The following MAP2K5 variants were observed in gnomAD, a reference collection of about 807,000 sequenced individuals.
MAP2K5 encodes dual specificity mitogen-activated protein kinase kinase 5.
A neutral mutation model predicts 83.1 loss-of-function variants in MAP2K5; 49 were observed. The observed-to-expected ratio is 0.59, with a 90% CI of 0.47 to 0.75. The LOEUF (loss-of-function observed/expected upper bound fraction) is 0.75, where lower values mean the gene tolerates loss of function less well. Among genes scored for constraint, MAP2K5 ranks in the 30% least tolerant of loss-of-function variants. The pLI, the probability that MAP2K5 is intolerant of heterozygous loss-of-function variation, is 0.00. For missense variants in MAP2K5, 457 were observed against 557.5 expected (o/e 0.82, Z 1.82); for synonymous variants, 202 against 191.8 (o/e 1.05, Z -0.44).
chr15:67,631,487 G>A (rs760203077), intron 9 of MAP2K5, among the ~76,000 whole-genome samples: 5 of 152,068 alleles, frequency 3.3e-5, no homozygotes, highest in African/African-American at 4.8e-5. Context: ...AGATCTGACC[G>A]TGTCTTGCTG....
chr15:67,731,614 T>TCTCAGGCTGTTACCTGA (rs1368747927), intron 17 of MAP2K5, among the ~76,000 whole-genome samples: 7 of 152,178 alleles, frequency 4.6e-5, no homozygotes, highest in Non-Finnish European at 4.4e-5. Flanking sequence ...AGGGTTCCAG[T>TCTCAGGCTGTTACCTGA]CTCAGGCTGT....
rs1213858902 is a variant in MAP2K5 at position 67,708,430 on chromosome 15, GT to G, written c.1044+5025del. Among the ~76,000 whole-genome samples the G allele has an allele frequency of 2.6e-5, 4 of 152,068 alleles. No individual in the cohort carries two copies. In the East Asian group the frequency reaches 7.7e-4, roughly 29 times the overall value. ...AGTTCCATAAACTGTCATCTCTGAG[GT>G]TTGGTGATGCCAGAAGCAGAAAGTT... On this transcript the variant is annotated intron_variant, in intron 16 of 21. Transcript: ENST00000178640. The surrounding 1 kb of genome is among the most constrained non-coding windows in gnomAD (Gnocchi z 4.9).
Position 67,786,163 on chromosome 15 carries a change from C to T in MAP2K5, c.1242+13411C>T, listed in dbSNP as rs1596972192. Among the ~76,000 whole-genome samples the T allele has an allele frequency of 6.6e-6, 1 of 152,098 alleles. No homozygotes were observed. Among genetic ancestry groups the T allele is most frequent in the East Asian group, 1.9e-4 (1 of 5,190 alleles). On this transcript the variant is annotated intron_variant, in intron 21 of 21. Transcript: ENST00000178640. The surrounding 1 kb of genome is among the most constrained non-coding windows in gnomAD (Gnocchi z 4.7). ...GTCTGATGTTCCTGGGTATTTCCAGCTTGTTGCCTCTTGGAAGATACATGT... is the reference window on the plus strand; with the variant it reads ...GTCTGATGTTCCTGGGTATTTCCAGTTTGTTGCCTCTTGGAAGATACATGT...
At position 67,798,384 on chromosome 15, in the gene MAP2K5, A is replaced by G. The variant is rs1366612151; in HGVS notation, c.1243-8262A>G. Among the ~76,000 whole-genome samples the G allele has an allele frequency of 2.6e-4, 40 of 152,166 alleles. 1 individual carries two copies. The highest frequency in any genetic ancestry group is 2.6e-3 in the Admixed American group (40 of 15,274). On this transcript the variant is annotated intron_variant, in intron 21 of 21. Transcript: ENST00000178640. ...GGCCAGTGGCACAATTCTGCCATTC[A>G]CAAGGATCAGCTTCCTCCGACAAAC...
intron 8 of MAP2K5, among the ~76,000 whole-genome samples, chr15:67,606,938 T>C (rs947380683): frequency 3.3e-5 from 5 of 152,212 alleles, no homozygotes; most frequent in Non-Finnish European, 5.9e-5. Flanking sequence ...TGACTTCCTC[T>C]TTCACCAACC....
intron 8 of MAP2K5, chr15:67,628,937 A>G (rs62016179): frequency 0.12 from 89,759 of 754,864 alleles, 6,517 homozygotes; most frequent in South Asian, 0.2. Flanking sequence ...GCAATTTTGG[A>G]GGTGGTGGAA....
rs2090014711 is a variant in MAP2K5, at chr15:67,764,954, A to C, written c.1135-4648A>C. Among the ~76,000 whole-genome samples the C allele has an allele frequency of 6.6e-6, 1 of 152,182 alleles. No homozygotes were observed. The highest frequency in any genetic ancestry group is 6.5e-5 in the Admixed American group (1 of 15,282). ...TCCCTATCCCTTACCTTTTCTTTTT[A>C]AACTTTCTATTTTGACGTAATTTTT... is the stretch of plus-strand genomic sequence containing the variant. On this transcript the variant is annotated intron_variant, in intron 19 of 21. Transcript: ENST00000178640. This position sits in a 1 kb window ranked among gnomAD's most constrained non-coding sequence, Gnocchi z 4.9.
intron 9 of MAP2K5, among the ~76,000 whole-genome samples, chr15:67,634,141 T>G (rs903744087): frequency 2.0e-5 from 3 of 151,776 alleles, no homozygotes; most frequent in Non-Finnish European, 2.9e-5. Context: ...GGTGGATGAC[T>G]TGAGCTCAGG....
At position 67,780,273 on chromosome 15, in the gene MAP2K5, T is replaced by G. The variant is rs2090307717; in HGVS notation, c.1242+7521T>G. Among the ~76,000 whole-genome samples, 1 of 19,684 alleles carries G rather than the reference T, an allele frequency of 5.1e-5. No individual in the cohort carries two copies. The highest frequency in any genetic ancestry group is 3.2e-4 in the African/African-American group (1 of 3,126). The allele number at this position is 19,684 out of a possible 152,430, so 12.9% of individuals were successfully genotyped here. A position where few individuals can be genotyped will look rare whatever the true frequency, so the allele number is the denominator to read the frequency against. On this transcript the variant is annotated intron_variant, in intron 21 of 21. Transcript: ENST00000178640. This position sits in a 1 kb window ranked among gnomAD's most constrained non-coding sequence, Gnocchi z 5.0. ...AAGCTCTGGCCAGGGAGCAGATACT[T>G]TTTTTTTTTTTTAACCTTTAAAGTT...
chr15:67,617,920 T>C (rs2086090579), intron 8 of MAP2K5, among the ~76,000 whole-genome samples: 1 of 152,098 alleles, frequency 6.6e-6, no homozygotes, highest in Admixed American at 6.6e-5. Context: ...TCTTGAACTC[T>C]TGGACTCAAG....
chr15:67,793,988 A>G lies in MAP2K5; in HGVS notation c.1243-12658A>G, dbSNP rs551089543. The stretch of plus-strand genomic sequence containing the variant: ...TTGAATTAAAGACCCTTGGTAAAAT[A>G]GACACAGCTACCATTAGAAGGAAGC... On this transcript the variant is annotated intron_variant, in intron 21 of 21. Transcript: ENST00000178640. The surrounding 1 kb of genome is among the most constrained non-coding windows in gnomAD (Gnocchi z 4.6). Among the ~76,000 whole-genome samples, 6 of 152,362 alleles carry G rather than the reference A, an allele frequency of 3.9e-5. No homozygotes were observed. The South Asian group carries it at 1.2e-3, about 32-fold the overall frequency.
chr15:67,694,414 T>C (rs1442289978), intron 15 of MAP2K5, among the ~76,000 whole-genome samples: 1 of 152,166 alleles, frequency 6.6e-6, no homozygotes, highest in Non-Finnish European at 1.5e-5. Context: ...TAAATGATGT[T>C]AGTATGGATA....
chr15:67,732,184 A>G (rs1317027801), intron 17 of MAP2K5, among the ~76,000 whole-genome samples: 1 of 152,240 alleles, frequency 6.6e-6, no homozygotes, highest in Non-Finnish European at 1.5e-5. Context: ...CAAGGACTGG[A>G]GCTGCCTATA....
intron 17 of MAP2K5, among the ~76,000 whole-genome samples, chr15:67,740,101 G>C (rs1356414179): frequency 6.6e-6 from 1 of 152,132 alleles, no homozygotes; most frequent in African/African-American, 2.4e-5. Flanking sequence ...CAAGCCCTGT[G>C]CTTAATTAAA....
rs755739176 is a variant in MAP2K5, at chr15:67,624,338, C to CAAAA, written c.546-6532_546-6529dup. Among the ~76,000 whole-genome samples the CAAAA allele has an allele frequency of 5.2e-3, 405 of 77,702 alleles. 10 individuals carry two copies. The highest frequency in any genetic ancestry group is 0.026 in the Admixed American group (154 of 5,872). The allele number at this position is 77,702 out of a possible 152,430, so 51.0% of individuals were successfully genotyped here. ...TGGGCGACAGAGCAAGACTCCGTCT[C>CAAAA]AAAAAAAAAAAAAAAAAAAAAGAAG... On this transcript the variant is annotated intron_variant, in intron 8 of 21. Coordinates refer to ENST00000178640, the MANE Select transcript of MAP2K5 (RefSeq NM_145160.3).
intron 8 of MAP2K5, among the ~76,000 whole-genome samples, chr15:67,612,891 T>G (rs1374675310): frequency 6.6e-6 from 1 of 152,210 alleles, no homozygotes; most frequent in Non-Finnish European, 1.5e-5. Flanking sequence ...TCAAATTGAT[T>G]TCAGCATTGA....
rs1438498128 is a variant in MAP2K5 at position 67,781,340 on chromosome 15, T to G, written c.1242+8588T>G. Among the ~76,000 whole-genome samples, 1 of 152,224 alleles carries G rather than the reference T, an allele frequency of 6.6e-6. No individual in the cohort carries two copies. The highest frequency in any genetic ancestry group is 2.4e-5 in the African/African-American group (1 of 41,452). On this transcript the variant is annotated intron_variant, in intron 21 of 21. Coordinates refer to ENST00000178640, the MANE Select transcript of MAP2K5 (RefSeq NM_145160.3). This position sits in a 1 kb window ranked among gnomAD's most constrained non-coding sequence, Gnocchi z 4.0. ...TACAGTTGTGCCAGCTGGATTTGTT[T>G]AATGGGTTGTTTGCTTTTTAATTTG...
chr15:67,760,609 T>G lies in MAP2K5; in HGVS notation c.1135-8993T>G, dbSNP rs958417694. Among the ~76,000 whole-genome samples the G allele has an allele frequency of 1.1e-4, 16 of 152,336 alleles. No homozygotes were observed. The highest frequency in any genetic ancestry group is 3.4e-3 in the Middle Eastern group (1 of 294). Reference sequence around the variant, plus strand: ...TGGGGATTTTTTAACCAGGAAAAATTCTGCATCTTTAGGCAGTCATTGAAC... The same window carrying G: ...TGGGGATTTTTTAACCAGGAAAAATGCTGCATCTTTAGGCAGTCATTGAAC... On this transcript the variant is annotated intron_variant, in intron 19 of 21. Transcript: ENST00000178640. The surrounding 1 kb of genome is among the most constrained non-coding windows in gnomAD (Gnocchi z 4.1).
intron 11 of MAP2K5, among the ~76,000 whole-genome samples, chr15:67,647,589 A>C (rs979353025): frequency 1.3e-5 from 2 of 151,610 alleles, no homozygotes; most frequent in African/African-American, 4.8e-5. Flanking sequence ...TTTACAAAAA[A>C]ATTTTTAAAA....
Sources: gnomAD v4.1 joint callset for allele counts (sites outside exome capture counted in the v4.1 genomes callset) on GRCh38, gnomAD v4.1.1 for gene constraint, Gnocchi (gnomAD v3.1) non-coding constraint, MANE v1.5 for transcripts, NCBI Gene and HGNC (gene_info 2026-07-23, HGNC 2026-07-21) for gene names.